IKZF1: variants seen among roughly 807,000 people sequenced by gnomAD.
IKZF1 encodes the protein IKAROS family zinc finger 1.
IKZF1 carries 10 observed loss-of-function variants against 51.7 expected under a neutral mutation model. The observed-to-expected ratio is 0.19, with a 90% CI of 0.12 to 0.33. The LOEUF is 0.33. Ranked by LOEUF, IKZF1 falls within the 10% of genes least tolerant of loss-of-function variation. The pLI, the probability that IKZF1 is intolerant of heterozygous loss-of-function variation, is 1.00. For missense variants in IKZF1, 484 were observed against 707.5 expected, an observed-to-expected ratio of 0.68 and a Z score of 3.58; for synonymous variants, 280 against 282.3, an observed-to-expected ratio of 0.99 and a Z score of 0.08.
chr7:50,338,894 T>C (rs1798397084), intron 3 of IKZF1, among the ~76,000 whole-genome samples: 1 of 152,224 alleles, frequency 6.6e-6, no homozygotes, highest in Non-Finnish European at 1.5e-5. Context: ...AATTTTAAAC[T>C]CTTTGCCTGT....
At chr7:50,360,521 A>G (rs1804884871) in intron 3 of IKZF1, among the ~76,000 whole-genome samples, 1 of 152,230 alleles carries the variant, frequency 6.6e-6, no homozygotes. Flanking sequence ...TTAACAGTCA[A>G]AACATTTCCT....
intron 6 of IKZF1, 73 bp downstream of exon 6, chr7:50,387,543 A>C (rs1278413600): frequency 6.6e-7 from 1 of 1,513,518 alleles, no homozygotes; most frequent in East Asian, 2.4e-5. Flanking sequence ...GGCGCTCTGC[A>C]TGCAGCCTTA....
chr7:50,368,608 A>G, intron 3 of IKZF1: 2 of 448,682 alleles, frequency 4.5e-6, no homozygotes, highest in Non-Finnish European at 7.9e-6. Context: ...TGGTGCCCGC[A>G]GGACCTTCTC....
At chr7:50,322,968 G>A (rs922754247) in intron 2 of IKZF1, among the ~76,000 whole-genome samples, 1 of 152,048 alleles carries the variant, frequency 6.6e-6, no homozygotes, top group African/African-American at 2.4e-5. Flanking sequence ...GAAACCAGAA[G>A]TTTGTTTCCA....
rs1584434984 is a variant in IKZF1 at position 50,318,530 on chromosome 7, G to A, written c.-14-518G>A. Reference sequence around the variant, plus strand: ...GGAGGTGTATTCATTATTGATGGAGGTAGTGCAGTTGCTGCTCAGATATGC... The same window carrying A: ...GGAGGTGTATTCATTATTGATGGAGATAGTGCAGTTGCTGCTCAGATATGC... On this transcript the variant is annotated intron_variant, in intron 1 of 7. Transcript: ENST00000331340. The A allele has an allele frequency of 1.8e-5, 4 of 224,736 alleles. No individual in the cohort carries two copies. The South Asian group carries it at 7.3e-4, about 41-fold the overall frequency. The allele number at this position is 224,736 out of a possible 1,614,324, so 13.9% of individuals were successfully genotyped here. A position where few individuals can be genotyped will look rare whatever the true frequency, so the allele number is the denominator to read the frequency against.
intron 7 of IKZF1, among the ~76,000 whole-genome samples, chr7:50,398,094 A>G (rs1375449163): frequency 6.6e-6 from 1 of 152,230 alleles, no homozygotes; most frequent in Non-Finnish European, 1.5e-5. Context: ...TCTGTTAGTA[A>G]GAACCAGCTG....
At chr7:50,316,792 C>G (rs1791673437) in intron 1 of IKZF1, among the ~76,000 whole-genome samples, 1 of 152,254 alleles carries the variant, frequency 6.6e-6, no homozygotes, top group South Asian at 2.1e-4. Flanking sequence ...AGCCCGCATT[C>G]CACTGGAAGG....
At position 50,343,624 on chromosome 7, in the gene IKZF1, C is replaced by G. The variant is rs572282924; in HGVS notation, c.160+15867C>G. 3.3e-5 allele frequency among the ~76,000 whole-genome samples: 5 copies of G among 152,344 alleles called. No homozygotes were observed. In the East Asian group the frequency reaches 9.7e-4, roughly 29 times the overall value. On this transcript the variant is annotated intron_variant, in intron 3 of 7. Transcript: ENST00000331340. ...GAGGCTTGTGCCAGGAGAAGACACG[C>G]TGTGGTTACAATGTTACTGTCTCTA...
At position 50,404,653 on chromosome 7, in the gene IKZF1, C is replaced by T. The variant is rs905191279; in HGVS notation, c.*4026C>T. The T allele has an allele frequency of 3.0e-5, 7 of 230,366 alleles. No homozygotes were observed. Among genetic ancestry groups the T allele is most frequent in the East Asian group, 6.1e-5 (1 of 16,332 alleles). The allele number at this position is 230,366 out of a possible 1,614,324, so 14.3% of individuals were successfully genotyped here. A position where few individuals can be genotyped will look rare whatever the true frequency, so the allele number is the denominator to read the frequency against. Reference sequence around the variant, plus strand: ...ACCTCCCATCTACAACAGTGCTGGACGTGGGAATTCTAAGTCCCAGTCTTG... The same window carrying T: ...ACCTCCCATCTACAACAGTGCTGGATGTGGGAATTCTAAGTCCCAGTCTTG... On this transcript the variant is annotated 3_prime_UTR_variant, in exon 8 of 8. Transcript: ENST00000331340.
At chr7:50,327,188 A>G (rs1253162449) in intron 2 of IKZF1, among the ~76,000 whole-genome samples, 1 of 152,262 alleles carries the variant, frequency 6.6e-6, no homozygotes, top group African/African-American at 2.4e-5. Flanking sequence ...TTTAATAATT[A>G]TAAAAGGACA....
chr7:50,336,124 T>A (rs1340133811), intron 3 of IKZF1, among the ~76,000 whole-genome samples: 1 of 152,168 alleles, frequency 6.6e-6, no homozygotes, highest in Non-Finnish European at 1.5e-5. Context: ...AGCTTACAGT[T>A]CCTCAGTGAT....
At position 50,376,824 on chromosome 7, in the gene IKZF1, G is replaced by T; in HGVS notation, c.421+31G>T. 1 of 1,609,996 alleles carries T rather than the reference G, an allele frequency of 6.2e-7. No individual in the cohort carries two copies. The highest frequency in any genetic ancestry group is 2.2e-5 in the East Asian group (1 of 44,822). On this transcript the variant is annotated intron_variant, in intron 4 of 7. Transcript: ENST00000331340. This position sits in a 1 kb window ranked among gnomAD's most constrained non-coding sequence, Gnocchi z 4.5. ...GCCTGGCTCAGTTTTTCCTTTAGTG[G>T]CCTGGAGAAGGTGCATGGGGTTTGA...
In IKZF1 at chr7:50,400,758, T is replaced by G. The variant is rs372635017; in HGVS notation, c.*131T>G. 1.7e-6 allele frequency: 2 copies of G among 1,184,156 alleles called. No individual in the cohort carries two copies. The highest frequency in any genetic ancestry group is 2.3e-6 in the Non-Finnish European group (2 of 860,460). The allele number at this position is 1,184,156 out of a possible 1,614,324, so 73.4% of individuals were successfully genotyped here. A position where few individuals can be genotyped will look rare whatever the true frequency, so the allele number is the denominator to read the frequency against. On this transcript the variant is annotated 3_prime_UTR_variant, in exon 8 of 8. Transcript: ENST00000331340. The surrounding 1 kb of genome is among the most constrained non-coding windows in gnomAD (Gnocchi z 5.4). ...ATGTTGTGTTTGGATTTGTAACTGT[T>G]TTTTGTTTTTTGTTTGAGTTGGTTG... is the stretch of plus-strand genomic sequence containing the variant.
At chr7:50,331,286 A>T (rs1046782971) in intron 3 of IKZF1, among the ~76,000 whole-genome samples, 18 of 152,132 alleles carry the variant, frequency 1.2e-4, no homozygotes, top group African/African-American at 4.3e-4. Context: ...AGAATAAACA[A>T]ACTGAAAACA....
chr7:50,307,118 A>C (rs1440120999), intron 1 of IKZF1, among the ~76,000 whole-genome samples: 1 of 152,214 alleles, frequency 6.6e-6, no homozygotes, highest in Admixed American at 6.5e-5. Context: ...AACTTTTACT[A>C]AAACAAGATG....
At chr7:50,322,700 G>A (rs78925972) in intron 2 of IKZF1, among the ~76,000 whole-genome samples, 10,084 of 152,128 alleles carry the variant, frequency 0.066, 387 homozygotes, top group Middle Eastern at 0.14. Context: ...TTATTTTTTG[G>A]TTTGGTTTCT....
chr7:50,396,405 A>G (rs1300557260), intron 7 of IKZF1, among the ~76,000 whole-genome samples: 1 of 151,364 alleles, frequency 6.6e-6, no homozygotes, highest in Non-Finnish European at 1.5e-5. Flanking sequence ...GTCTCCTGAG[A>G]CCCGAAATCT....
intron 3 of IKZF1, among the ~76,000 whole-genome samples, chr7:50,374,522 T>C (rs1209959056): frequency 6.6e-6 from 1 of 152,150 alleles, no homozygotes; most frequent in African/African-American, 2.4e-5. Flanking sequence ...AACTGTAAAA[T>C]AGGATAATGA....
At chr7:50,390,246 C>T (rs898687485) in intron 6 of IKZF1, among the ~76,000 whole-genome samples, 8 of 152,076 alleles carry the variant, frequency 5.3e-5, no homozygotes, top group Non-Finnish European at 1.0e-4. Context: ...AGAGGAAGAC[C>T]CCTGACCTCT....
Sources: gnomAD v4.1 joint callset for allele counts (sites outside exome capture counted in the v4.1 genomes callset) on GRCh38, gnomAD v4.1.1 for gene constraint, Gnocchi (gnomAD v3.1) non-coding constraint, MANE v1.5 for transcripts, NCBI Gene and HGNC (gene_info 2026-07-23, HGNC 2026-07-21) for gene names.